KAT6B: variants seen among roughly 807,000 people sequenced by gnomAD.
The protein encoded by KAT6B is histone acetyltransferase KAT6B.
KAT6B carries 10 observed loss-of-function variants against 187.5 expected under a neutral mutation model. The observed-to-expected ratio is 0.05, with a 90% CI of 0.03 to 0.09. The LOEUF (loss-of-function observed/expected upper bound fraction) is 0.09. Ranked by LOEUF, KAT6B falls within the 10% of genes least tolerant of loss-of-function variation. The pLI is 1.00. For synonymous variants in KAT6B, 861 were observed against 926.8 expected (o/e 0.93, Z 1.29); for missense variants, 1,952 against 2,558.9 (o/e 0.76, Z 5.12).
intron 12 of KAT6B, among the ~76,000 whole-genome samples, chr10:74,987,661 G>T (rs1260632522): frequency 6.6e-6 from 1 of 152,186 alleles, no homozygotes. Flanking sequence ...AAGGAAAGAA[G>T]GATTAGTTAT....
At chr10:74,936,989 T>G (rs897832626) in intron 3 of KAT6B, among the ~76,000 whole-genome samples, 2 of 152,218 alleles carry the variant, frequency 1.3e-5, no homozygotes, top group Admixed American at 1.3e-4. Context: ...TGATAGAAAT[T>G]GATGTTTTCT....
intron 13 of KAT6B, among the ~76,000 whole-genome samples, chr10:74,997,567 T>C (rs527992138): frequency 1.3e-5 from 2 of 152,138 alleles, no homozygotes; most frequent in Non-Finnish European, 1.5e-5. Flanking sequence ...CTCTTAGGTA[T>C]AATGGCTAAT....
intron 3 of KAT6B, among the ~76,000 whole-genome samples, chr10:74,888,312 A>T (rs1845429221): frequency 6.6e-6 from 1 of 152,236 alleles, no homozygotes; most frequent in Non-Finnish European, 1.5e-5. Flanking sequence ...AAATATAATT[A>T]AAAAACAAAT....
At chr10:74,862,495 T>C (rs1843250588) in intron 3 of KAT6B, among the ~76,000 whole-genome samples, 1 of 151,950 alleles carries the variant, frequency 6.6e-6, no homozygotes, top group Non-Finnish European at 1.5e-5. Context: ...AATGTTGGAG[T>C]GGGAGTCAGG....
chr10:74,860,206 A>G (rs1357951241), intron 3 of KAT6B, among the ~76,000 whole-genome samples: 3 of 152,104 alleles, frequency 2.0e-5, no homozygotes, highest in Non-Finnish European at 4.4e-5. Context: ...CCTGAAATCC[A>G]TGATTTGTGT....
intron 4 of KAT6B, among the ~76,000 whole-genome samples, chr10:74,965,714 G>GTGA (rs1841412514): frequency 6.6e-6 from 1 of 151,818 alleles, no homozygotes; most frequent in Admixed American, 6.6e-5. Flanking sequence ...GAGACTTTAA[G>GTGA]TGAGGATCCA....
chr10:74,962,485 G>GT (rs1457956954), intron 4 of KAT6B, among the ~76,000 whole-genome samples: 1 of 152,218 alleles, frequency 6.6e-6, no homozygotes, highest in Non-Finnish European at 1.5e-5. Flanking sequence ...TCTCAGAAGA[G>GT]TCTATTGGTT....
intron 3 of KAT6B, among the ~76,000 whole-genome samples, chr10:74,877,978 A>C (rs891084263): frequency 6.6e-6 from 1 of 152,214 alleles, no homozygotes; most frequent in South Asian, 2.1e-4. Context: ...ATTTTAAACA[A>C]ATAAGAAATA....
chr10:74,967,860 C>T (rs1306616453), intron 4 of KAT6B, among the ~76,000 whole-genome samples: 1 of 152,074 alleles, frequency 6.6e-6, no homozygotes, highest in African/African-American at 2.4e-5. Flanking sequence ...ATGTGAATTA[C>T]CTTAGTTACT....
At chr10:74,977,510 G>C in intron 9 of KAT6B, 73 bp downstream of exon 9, 2 of 1,554,892 alleles carry the variant, frequency 1.3e-6, no homozygotes, top group Non-Finnish European at 1.8e-6. Context: ...GAATTACTGT[G>C]TTGATTTTAT....
At chr10:74,920,766 A>G (rs1848050538) in intron 3 of KAT6B, among the ~76,000 whole-genome samples, 1 of 152,110 alleles carries the variant, frequency 6.6e-6, no homozygotes, top group Non-Finnish European at 1.5e-5. Flanking sequence ...TTTCGTTCGT[A>G]AGACTGCTTT....
At chr10:74,977,135 A>G (rs965170470) in intron 8 of KAT6B, 181 bp from the exon 9 acceptor site, 4 of 534,474 alleles carry the variant, frequency 7.5e-6, no homozygotes, top group Non-Finnish European at 1.3e-5. Flanking sequence ...AAATTTGAGT[A>G]TAGCAGGGAA....
chr10:74,990,863 C>T (rs760085797), intron 13 of KAT6B, among the ~76,000 whole-genome samples: 3 of 152,190 alleles, frequency 2.0e-5, no homozygotes, highest in Non-Finnish European at 2.9e-5. Context: ...CAATATTTAA[C>T]GTCTTCCAAC....
chr10:74,937,382 C>G (rs78255298), intron 3 of KAT6B, among the ~76,000 whole-genome samples: 3,678 of 152,256 alleles, frequency 0.024, 148 homozygotes, highest in African/African-American at 0.084. Context: ...GAAAGCACAG[C>G]CAGCCTTCAT....
At chr10:74,835,038 A>T (rs945024313) in intron 1 of KAT6B, among the ~76,000 whole-genome samples, 2 of 152,236 alleles carry the variant, frequency 1.3e-5, no homozygotes, top group African/African-American at 4.8e-5. Context: ...AGATGAATCA[A>T]GCATGAATCC....
At chr10:74,835,224 G>A (rs1841197567) in intron 1 of KAT6B, among the ~76,000 whole-genome samples, 1 of 152,126 alleles carries the variant, frequency 6.6e-6, no homozygotes, top group African/African-American at 2.4e-5. Flanking sequence ...ATTTGAATTT[G>A]GGCAGAGGGA....
intron 10 of KAT6B, 34 bp downstream of exon 10, chr10:74,979,373 A>C: frequency 7.5e-7 from 1 of 1,341,678 alleles, no homozygotes. Context: ...GTATAACTTG[A>C]ATGTCACATA....
In KAT6B at chr10:75,029,853, A is replaced by G; in HGVS notation, c.5029A>G (p.Thr1677Ala). 2 of 1,614,104 alleles carry G rather than the reference A, an allele frequency of 1.2e-6. No individual in the cohort carries two copies. Among genetic ancestry groups the G allele is most frequent in the East Asian group, 2.2e-5 (1 of 44,896 alleles). ...TGACCTGGGCAGTATCGAGAGCACA[A>G]CTGAGAACTACGAAAACCCAAGCAG... ...FSDLGSIEST[T>A]ENYENPSSYD... The change falls in exon 18 of 18, where the codon ACT becomes GCT. Residue 1677 changes from threonine (T) to alanine (A), a missense_variant. Coordinates refer to ENST00000287239, the MANE Select transcript of KAT6B (RefSeq NM_012330.4). The surrounding 1 kb of genome is among the most constrained non-coding windows in gnomAD (Gnocchi z 6.2).
At chr10:74,994,557 C>T (rs766072047) in intron 13 of KAT6B, among the ~76,000 whole-genome samples, 4 of 151,786 alleles carry the variant, frequency 2.6e-5, no homozygotes, top group African/African-American at 7.2e-5. Context: ...CCGAGACAGG[C>T]GGATCTCTTG....
Sources: gnomAD v4.1 joint callset for allele counts (sites outside exome capture counted in the v4.1 genomes callset) on GRCh38, gnomAD v4.1.1 for gene constraint, Gnocchi (gnomAD v3.1) non-coding constraint, MANE v1.5 for transcripts, NCBI Gene and HGNC (gene_info 2026-07-23, HGNC 2026-07-21) for gene names.